The following MYBL2 variants were observed in gnomAD, a reference collection of about 807,000 sequenced individuals.
The protein encoded by MYBL2 is myb-related protein B.
MYBL2 carries 28 observed loss-of-function variants against 79.9 expected under a neutral mutation model. The observed-to-expected ratio is 0.35, with a 90% CI of 0.26 to 0.48. The LOEUF (loss-of-function observed/expected upper bound fraction) is 0.48. Ranked by LOEUF, MYBL2 falls within the 20% of genes least tolerant of loss-of-function variation. The probability of loss-of-function intolerance (pLI) is 0.99; values close to 1 mark genes in which losing one functional copy is unlikely to be tolerated. For missense variants in MYBL2, 735 were observed against 893.9 expected (o/e 0.82, Z 2.27); for synonymous variants, 378 against 361.2 (o/e 1.05, Z -0.53).
rs150052313 is a variant in MYBL2 at position 43,690,873 on chromosome 20, C to T, written c.501-1284C>T. Among the ~76,000 whole-genome samples the T allele has an allele frequency of 2.8e-3, 429 of 152,154 alleles. 4 individuals carry two copies. Among genetic ancestry groups the T allele is most frequent in the African/African-American group, 9.7e-3 (402 of 41,508 alleles). On this transcript the variant is annotated intron_variant, in intron 5 of 13. Transcript: ENST00000217026. Reference sequence around the variant, plus strand: ...TGCTGGGATTACAGGCGTGAGCCACCGCGCCTGACCTGCCGCTTGCTTCTC... The same window carrying T: ...TGCTGGGATTACAGGCGTGAGCCACTGCGCCTGACCTGCCGCTTGCTTCTC...
At chr20:43,694,001 T>G (rs1600554551) in intron 6 of MYBL2, among the ~76,000 whole-genome samples, 1 of 151,988 alleles carries the variant, frequency 6.6e-6, no homozygotes, top group Non-Finnish European at 1.5e-5. Context: ...TGAGTTGAGA[T>G]CCCGCCACTG....
chr20:43,688,925 G>A (rs887259195), intron 5 of MYBL2, among the ~76,000 whole-genome samples: 85 of 152,132 alleles, frequency 5.6e-4, no homozygotes, highest in African/African-American at 2.0e-3. Flanking sequence ...GAGTAGCTGG[G>A]ATTATAGGCG....
At chr20:43,683,304 C>T (rs926223539) in intron 4 of MYBL2, among the ~76,000 whole-genome samples, 5 of 152,112 alleles carry the variant, frequency 3.3e-5, no homozygotes, top group Admixed American at 2.0e-4. Context: ...GCACAGATGC[C>T]TTCTTTTGAT....
At position 43,711,596 on chromosome 20, in the gene MYBL2, C is replaced by A; in HGVS notation, c.1714C>A (p.Pro572Thr). The change falls in exon 11 of 14, where the codon CCT becomes ACT. Residue 572 changes from proline (P) to threonine (T), a missense_variant. By Grantham distance (38) the Pro-to-Thr change is conservative (BLOSUM62 -1). Around this residue, in one of 5 missense-constraint regions of MYBL2, gnomAD observed 204 missense variants for 202.9 expected, o/e 1.01. Transcript: ENST00000217026. The stretch of plus-strand genomic sequence containing the variant: ...CAGGCCCGAGAAGCAGAAGAGGAAG[C>A]CTGGGGTGAGTAGGGTAGGGGTGGG... ...DIRPEKQKRK[P>T]GLRRSPIKKV... The A allele has an allele frequency of 6.2e-7, 1 of 1,612,034 alleles. No individual in the cohort carries two copies. Among genetic ancestry groups the A allele is most frequent in the South Asian group, 1.1e-5 (1 of 90,722 alleles).
chr20:43,691,659 A>C (rs929041380), intron 5 of MYBL2, among the ~76,000 whole-genome samples: 2 of 151,236 alleles, frequency 1.3e-5, no homozygotes, highest in Non-Finnish European at 2.9e-5. Context: ...CCTTCCTCAG[A>C]CTCCCAAGTA....
intron 8 of MYBL2, among the ~76,000 whole-genome samples, chr20:43,704,080 C>T (rs1471180019): frequency 4.6e-5 from 7 of 152,150 alleles, no homozygotes; most frequent in African/African-American, 1.7e-4. Context: ...GTGGCATGAT[C>T]ACAGCTCACT....
rs768837790 is a variant in MYBL2, at chr20:43,699,887, G to A, written c.794G>A (p.Arg265Gln). The stretch of plus-strand genomic sequence containing the variant: ...ATCGGTACAGATCTGGACGCAGTGC[G>A]AACACCAGAGCCCTTGGAGGAATTC... ...EPIGTDLDAV[R>Q]TPEPLEEFPK... is the part of the protein sequence containing the mutation. The change falls in exon 7 of 14, where the codon CGA becomes CAA. Residue 265 changes from arginine to glutamine, a missense_variant. This residue lies in a region of MYBL2 where 144 missense variants were observed against 131.9 expected (regional missense o/e 1.09). Coordinates refer to ENST00000217026, the MANE Select transcript of MYBL2 (RefSeq NM_002466.4). The A allele has an allele frequency of 6.8e-6, 11 of 1,613,898 alleles. No homozygotes were observed. In the Admixed American group the frequency reaches 1.0e-4, roughly 15 times the overall value.
intron 5 of MYBL2, among the ~76,000 whole-genome samples, chr20:43,691,661 T>C (rs1050455883): frequency 6.6e-6 from 1 of 151,838 alleles, no homozygotes; most frequent in African/African-American, 2.4e-5. Context: ...TTCCTCAGAC[T>C]CCCAAGTAGC....
At chr20:43,693,442 G>A (rs1052213398) in intron 6 of MYBL2, among the ~76,000 whole-genome samples, 2 of 152,208 alleles carry the variant, frequency 1.3e-5, no homozygotes, top group South Asian at 2.1e-4. Flanking sequence ...AGGTTAAAGC[G>A]ATTCTGCTAA....
At chr20:43,678,823 C>T (rs1349534021) in intron 2 of MYBL2, among the ~76,000 whole-genome samples, 1 of 134,734 alleles carries the variant, frequency 7.4e-6, no homozygotes, top group East Asian at 2.2e-4. Flanking sequence ...CACCATTGCA[C>T]TCCAGCCTGG....
Position 43,716,205 on chromosome 20 carries a change from C to G in MYBL2, c.*118C>G. ...CTGCAGGGAGCCTTCTGCCACCAGC[C>G]CCTCCCCAGACTCTCAGGTGGAGGC... On this transcript the variant is annotated 3_prime_UTR_variant, in exon 14 of 14. Coordinates refer to ENST00000217026, the MANE Select transcript of MYBL2 (RefSeq NM_002466.4). 1.3e-6 allele frequency: 2 copies of G among 1,508,262 alleles called. No homozygotes were observed. The highest frequency in any genetic ancestry group is 1.8e-6 in the Non-Finnish European group (2 of 1,117,040). 93.4% of individuals were successfully genotyped at this position (1,508,262 alleles called of 1,614,324 possible).
intron 2 of MYBL2, among the ~76,000 whole-genome samples, chr20:43,676,082 T>G (rs1987003809): frequency 6.6e-6 from 1 of 152,000 alleles, no homozygotes; most frequent in African/African-American, 2.4e-5. Context: ...TTTTTGTATT[T>G]TTAGTAGAGA....
chr20:43,676,317 G>A (rs769501704), intron 2 of MYBL2, among the ~76,000 whole-genome samples: 1 of 141,238 alleles, frequency 7.1e-6, no homozygotes, highest in Middle Eastern at 3.6e-3. Flanking sequence ...TCCCTTCTTC[G>A]TGTCCATGTG....
intron 1 of MYBL2, among the ~76,000 whole-genome samples, chr20:43,667,897 G>A (rs1986757521): frequency 1.3e-5 from 2 of 152,174 alleles, no homozygotes; most frequent in Non-Finnish European, 1.5e-5. Context: ...GGTTCGGTTT[G>A]AGACCTCTCT....
At chr20:43,675,235 C>G (rs920153606) in intron 2 of MYBL2, among the ~76,000 whole-genome samples, 3 of 152,164 alleles carry the variant, frequency 2.0e-5, no homozygotes, top group Non-Finnish European at 2.9e-5. Flanking sequence ...CCACCTCAGC[C>G]TTCCAAAGTG....
chr20:43,668,545 C>T (rs1454995867), intron 1 of MYBL2, among the ~76,000 whole-genome samples: 1 of 152,064 alleles, frequency 6.6e-6, no homozygotes, highest in African/African-American at 2.4e-5. Flanking sequence ...AAAGATGAAG[C>T]CTTCCATCCC....
chr20:43,686,783 A>T (rs894813029), intron 4 of MYBL2, 69 bp from the exon 5 acceptor site: 1 of 1,473,028 alleles, frequency 6.8e-7, no homozygotes, highest in Non-Finnish European at 9.3e-7. Flanking sequence ...GCTCAGGTGG[A>T]TGTGAAGGGC....
At chr20:43,686,697 G>C (rs902246112) in intron 4 of MYBL2, among the ~76,000 whole-genome samples, 155 bp from the exon 5 acceptor site, 2 of 152,190 alleles carry the variant, frequency 1.3e-5, no homozygotes, top group Admixed American at 1.3e-4. Context: ...AAGTCATCCT[G>C]GGTGGCATCC....
Position 43,687,133 on chromosome 20 carries a change from G to A in MYBL2, c.500+61G>A, listed in dbSNP as rs1270762662. On this transcript the variant is annotated intron_variant, in intron 5 of 13. Transcript: ENST00000217026. Reference sequence around the variant, plus strand: ...GGGAGGCCAGGCCCGTGTTTCTGATGGAGGAGGGTTCCTGGGTGGGTATTG... The same window carrying A: ...GGGAGGCCAGGCCCGTGTTTCTGATAGAGGAGGGTTCCTGGGTGGGTATTG... 5 of 1,543,782 alleles carry A rather than the reference G, an allele frequency of 3.2e-6. No individual in the cohort carries two copies. The African/African-American group carries it at 4.1e-5, about 13-fold the overall frequency.
Sources: allele counts gnomAD v4.1 joint callset (sites outside exome capture counted in the v4.1 genomes callset), GRCh38; gene constraint gnomAD v4.1.1; regional missense constraint gnomAD v4.1.1; transcripts MANE v1.5; gene names NCBI Gene and HGNC (gene_info 2026-07-23, HGNC 2026-07-21).